Variants in ARHGAP26 observed in about 807,000 individuals in gnomAD.
The protein encoded by ARHGAP26 is rho GTPase-activating protein 26.
Under a neutral mutation model 104.8 loss-of-function variants are expected in ARHGAP26, and 38 were observed. The observed-to-expected ratio is 0.36, with a 90% CI of 0.28 to 0.48. The LOEUF is 0.48. Among genes scored for constraint, ARHGAP26 ranks in the 20% least tolerant of loss-of-function variants. The pLI, the probability that ARHGAP26 is intolerant of heterozygous loss-of-function variation, is 0.99. For missense variants in ARHGAP26, 704 were observed against 947.9 expected, an observed-to-expected ratio of 0.74 and a Z score of 3.38; for synonymous variants, 341 against 340.0, an observed-to-expected ratio of 1.00 and a Z score of -0.03.
At chr5:143,161,877 G>A (rs550503199) in intron 20 of ARHGAP26, among the ~76,000 whole-genome samples, 5 of 152,314 alleles carry the variant, frequency 3.3e-5, no homozygotes, top group Admixed American at 3.3e-4. Context: ...GCCCTGTTCA[G>A]TCTATTTTGT....
intron 4 of ARHGAP26, among the ~76,000 whole-genome samples, chr5:142,879,964 A>G (rs983071446): frequency 2.0e-5 from 3 of 152,164 alleles, no homozygotes; most frequent in African/African-American, 7.2e-5. Flanking sequence ...GATTCTTTAA[A>G]TGTTTCAAGA....
chr5:142,963,172 G>GTATATATATATATATATA (rs58576577), intron 11 of ARHGAP26, among the ~76,000 whole-genome samples: 14 of 89,032 alleles, frequency 1.6e-4, no homozygotes, highest in Non-Finnish European at 2.6e-4. Context: ...TGGTATATAT[G>GTATATATATATATATATA]TATATATATA....
rs778398220 is a variant in ARHGAP26 at position 142,913,289 on chromosome 5, G to A, written c.1024G>A (p.Asp342Asn). ...GTTTTGCTTTGATGTGGAAGCAGTA[G>A]ACAGGTGAGTAGCTAGCATGCTTTT... ...KRFCFDVEAVDRPGVITMQAL... is the reference protein window; with the variant it reads ...KRFCFDVEAVNRPGVITMQAL... Residue 342 changes from aspartate (D) to asparagine (N), a missense_variant, in exon 10 of 23, where the codon GAC (aspartate) becomes AAC (asparagine). Transcript: ENST00000645722. 1.9e-6 allele frequency: 3 copies of A among 1,613,886 alleles called. No individual in the cohort carries two copies. The Admixed American group carries it at 5.0e-5, about 27-fold the overall frequency.
chr5:143,094,118 GC>G (rs1369790847), intron 17 of ARHGAP26, among the ~76,000 whole-genome samples: 1 of 152,178 alleles, frequency 6.6e-6, no homozygotes, highest in Admixed American at 6.5e-5. Context: ...CGCCCCCGCG[GC>G]TTTCTTTCCC....
chr5:143,120,883 C>T, intron 17 of ARHGAP26, 105 bp from the exon 18 acceptor site: 2 of 1,155,644 alleles, frequency 1.7e-6, no homozygotes. Context: ...CTGGCTCCTA[C>T]AGATGAGGAG....
intron 11 of ARHGAP26, among the ~76,000 whole-genome samples, chr5:142,986,961 G>A (rs187578112): frequency 4.6e-5 from 7 of 152,234 alleles, no homozygotes; most frequent in African/African-American, 1.4e-4. Context: ...TTGTTCTTTT[G>A]GCTTAGGATT....
intron 11 of ARHGAP26, among the ~76,000 whole-genome samples, chr5:142,953,515 T>C (rs1200871226): frequency 6.6e-6 from 1 of 152,184 alleles, no homozygotes; most frequent in Admixed American, 6.5e-5. Flanking sequence ...CCTGGGTTTG[T>C]AGCTTTCAAC....
chr5:143,106,904 C>T (rs1794103625), intron 17 of ARHGAP26, among the ~76,000 whole-genome samples: 1 of 152,276 alleles, frequency 6.6e-6, no homozygotes. Flanking sequence ...CTGGACTGCA[C>T]TGTTTGATTA....
At chr5:142,985,235 T>C (rs1774509047) in intron 11 of ARHGAP26, among the ~76,000 whole-genome samples, 1 of 152,218 alleles carries the variant, frequency 6.6e-6, no homozygotes, top group Non-Finnish European at 1.5e-5. Context: ...GTTTGTGTTT[T>C]AAGCTAAATG....
chr5:142,946,912 C>T (rs545658405), intron 11 of ARHGAP26: 1 of 151,918 alleles, frequency 6.6e-6, no homozygotes, highest in South Asian at 2.1e-4. Context: ...AAAAGTCTTC[C>T]CTTTTGGTTA....
chr5:142,978,903 G>C (rs1042561345), intron 11 of ARHGAP26, among the ~76,000 whole-genome samples: 7 of 152,090 alleles, frequency 4.6e-5, no homozygotes, highest in African/African-American at 1.7e-4. Context: ...TTTGAAAAAG[G>C]AATTAAAGCA....
At chr5:143,026,230 T>G (rs1781043476) in intron 12 of ARHGAP26, among the ~76,000 whole-genome samples, 1 of 152,240 alleles carries the variant, frequency 6.6e-6, no homozygotes. Context: ...ATTTATTCTT[T>G]CAGGACATAT....
chr5:143,114,498 A>T (rs971899783), intron 17 of ARHGAP26, among the ~76,000 whole-genome samples: 2 of 152,228 alleles, frequency 1.3e-5, no homozygotes, highest in African/African-American at 4.8e-5. Context: ...ACAGCCCTGG[A>T]AACTAAACTT....
At position 142,801,187 on chromosome 5, in the gene ARHGAP26, G is replaced by C. The variant is rs148983214; in HGVS notation, c.154+30272G>C. Among the ~76,000 whole-genome samples the C allele has an allele frequency of 1.6e-4, 25 of 152,284 alleles. No homozygotes were observed. In the East Asian group the frequency reaches 3.3e-3, roughly 20 times the overall value. On this transcript the variant is annotated intron_variant, in intron 1 of 22. Transcript: ENST00000645722. Reference sequence around the variant, plus strand: ...GCATAGCTTTGACTCTTTCCTCTGGGTTTGAGCTGTGGAATTGCTGTAGGA... The same window carrying C: ...GCATAGCTTTGACTCTTTCCTCTGGCTTTGAGCTGTGGAATTGCTGTAGGA...
chr5:143,167,794 C>T (rs1236061502), intron 20 of ARHGAP26, among the ~76,000 whole-genome samples: 1 of 152,142 alleles, frequency 6.6e-6, no homozygotes, highest in African/African-American at 2.4e-5. Flanking sequence ...AGTTCAGCTG[C>T]AGCCATTCCA....
rs138791101 is a variant in ARHGAP26, at chr5:143,090,536, C to T, written c.1539-30452C>T. 9.7e-3 allele frequency among the ~76,000 whole-genome samples: 1,476 copies of T among 152,146 alleles called. 24 individuals carry two copies. The highest frequency in any genetic ancestry group is 0.078 in the East Asian group (402 of 5,172). On this transcript the variant is annotated intron_variant, in intron 17 of 22. Coordinates refer to ENST00000645722, the MANE Select transcript of ARHGAP26 (RefSeq NM_001135608.3). The stretch of plus-strand genomic sequence containing the variant: ...AAGGCTTAGAGGAAGGTGCAGGTGG[C>T]GGGGGATCAAAGAAACGCATTTCAA...
chr5:142,844,872 G>T (rs1024109966), intron 1 of ARHGAP26, among the ~76,000 whole-genome samples: 1 of 148,078 alleles, frequency 6.8e-6, no homozygotes, highest in Non-Finnish European at 1.5e-5. Context: ...AAAAAAAAAA[G>T]AACTCTTTTA....
At chr5:143,055,917 A>G (rs1785739487) in intron 15 of ARHGAP26, 111 bp from the exon 16 acceptor site, 1 of 709,858 alleles carries the variant, frequency 1.4e-6, no homozygotes, top group Non-Finnish European at 2.4e-6. Context: ...TTTCCCTGTG[A>G]TCTTTGTCTT....
chr5:143,204,222 T>G (rs1349215506), intron 20 of ARHGAP26, among the ~76,000 whole-genome samples: 1 of 152,158 alleles, frequency 6.6e-6, no homozygotes, highest in East Asian at 1.9e-4. Context: ...GAAATTCTGT[T>G]GTTAAAAATT....
Sources: gnomAD v4.1 joint callset for allele counts (sites outside exome capture counted in the v4.1 genomes callset) on GRCh38, gnomAD v4.1.1 for gene constraint, MANE v1.5 for transcripts, NCBI Gene and HGNC (gene_info 2026-07-23, HGNC 2026-07-21) for gene names.